The following HECTD4 variants were observed in gnomAD, a reference collection of about 807,000 sequenced individuals.
The protein encoded by HECTD4 is HECT domain E3 ubiquitin protein ligase 4.
A neutral mutation model predicts 471.5 loss-of-function variants in HECTD4; 114 were observed. The observed-to-expected ratio is 0.24, with a 90% CI of 0.21 to 0.28. The LOEUF (loss-of-function observed/expected upper bound fraction) is 0.28. Ranked by LOEUF, HECTD4 falls within the 10% of genes least tolerant of loss-of-function variation. The pLI is 1.00. For missense variants in HECTD4, 3,866 were observed against 5,651.5 expected (o/e 0.68, Z 10.13); for synonymous variants, 2,012 against 2,256.0 (o/e 0.89, Z 3.07).
In HECTD4 at chr12:112,167,921, T is replaced by A. The variant is rs368594071; in HGVS notation, c.12209-4A>T. ...AGGAAGTGGCGGAAAGAGCCGCCTGTAGGACAGACGAGACACATGGGCACC... is the reference window on the plus strand; with the variant it reads ...AGGAAGTGGCGGAAAGAGCCGCCTGAAGGACAGACGAGACACATGGGCACC... On this transcript the variant is annotated splice_polypyrimidine_tract_variant and splice_region_variant and intron_variant, in intron 70 of 75. Coordinates refer to ENST00000682272, the MANE Select transcript of HECTD4 (RefSeq NM_001388303.1). 1.2e-5 allele frequency: 20 copies of A among 1,612,594 alleles called. No homozygotes were observed. In the African/African-American group the frequency reaches 2.0e-4, roughly 16 times the overall value.
intron 45 of HECTD4, 86 bp downstream of exon 45, chr12:112,219,299 AT>A (rs1555251321): frequency 1.1e-6 from 1 of 927,900 alleles, no homozygotes; most frequent in Non-Finnish European, 1.6e-6. Context: ...GCAAACACTT[AT>A]TCTAAATGTC....
chr12:112,321,555 G>C (rs1164266171), intron 1 of HECTD4, among the ~76,000 whole-genome samples: 2 of 152,102 alleles, frequency 1.3e-5, no homozygotes, highest in Non-Finnish European at 1.5e-5. Context: ...AATTCTGCCA[G>C]GTCTTTGGCA....
At chr12:112,332,097 T>C (rs1054626810) in intron 1 of HECTD4, among the ~76,000 whole-genome samples, 1 of 151,798 alleles carries the variant, frequency 6.6e-6, no homozygotes, top group Non-Finnish European at 1.5e-5. Flanking sequence ...AGGGCTGTCA[T>C]GTGGAAGAGG....
chr12:112,371,622 T>A (rs6489840), intron 1 of HECTD4, among the ~76,000 whole-genome samples: 1 of 150,482 alleles, frequency 6.6e-6, no homozygotes, highest in African/African-American at 2.4e-5. Flanking sequence ...TACAGTGGCT[T>A]GTACCTGTAA....
At position 112,243,387 on chromosome 12, in the gene HECTD4, C is replaced by T. The variant is rs1251127774; in HGVS notation, c.4924G>A (p.Gly1642Ser). 8.7e-6 allele frequency: 14 copies of T among 1,612,472 alleles called. No individual in the cohort carries two copies. Among genetic ancestry groups the T allele is most frequent in the African/African-American group, 1.3e-5 (1 of 74,858 alleles). ...CCCTGAAGGACCATCGTCACTGGAC[C>T]CACAAGATGCGTCACTCCCCCGACT... ...VRVGGVTHLVGPVTMVLQGGP... is the reference protein window; with the variant it reads ...VRVGGVTHLVSPVTMVLQGGP... The change falls in exon 32 of 76, where the codon GGT becomes AGT. Residue 1642 changes from glycine (G) to serine (S), a missense_variant. Coordinates refer to ENST00000682272, the MANE Select transcript of HECTD4 (RefSeq NM_001388303.1). The surrounding 1 kb of genome is among the most constrained non-coding windows in gnomAD (Gnocchi z 6.6).
At chr12:112,360,093 T>G (rs2135747159) in intron 1 of HECTD4, among the ~76,000 whole-genome samples, 1 of 152,340 alleles carries the variant, frequency 6.6e-6, no homozygotes. Context: ...GAAAGTATTT[T>G]TCTTGGTAAC....
intron 1 of HECTD4, among the ~76,000 whole-genome samples, chr12:112,361,804 A>T (rs916738395): frequency 6.6e-6 from 1 of 152,162 alleles, no homozygotes; most frequent in African/African-American, 2.4e-5. Flanking sequence ...AGGGCACAAT[A>T]TTCTGTATGG....
intron 4 of HECTD4, among the ~76,000 whole-genome samples, chr12:112,310,633 G>C (rs1453959518): frequency 6.6e-6 from 1 of 152,130 alleles, no homozygotes; most frequent in Non-Finnish European, 1.5e-5. Flanking sequence ...AATGCTGTTA[G>C]CTTAAAAATT....
chr12:112,302,782 T>C, intron 7 of HECTD4: 1 of 280,820 alleles, frequency 3.6e-6, no homozygotes, highest in African/African-American at 2.2e-5. Context: ...CTCTTTTTGT[T>C]TAATTTTAAA....
chr12:112,225,689 G>A (rs1344199217), intron 44 of HECTD4, among the ~76,000 whole-genome samples: 1 of 148,326 alleles, frequency 6.7e-6, no homozygotes, highest in East Asian at 2.0e-4. Context: ...CAGCAACAAA[G>A]TAACAATTTG....
intron 52 of HECTD4, among the ~76,000 whole-genome samples, chr12:112,204,865 G>A (rs912631545): frequency 1.3e-5 from 2 of 152,118 alleles, no homozygotes; most frequent in Middle Eastern, 3.2e-3. Flanking sequence ...AGGCACAGTG[G>A]CTCACACCTG....
rs535214296 is a variant in HECTD4, at chr12:112,325,905, T to C, written c.178-6163A>G. 1.1e-4 allele frequency among the ~76,000 whole-genome samples: 16 copies of C among 148,522 alleles called. No individual in the cohort carries two copies. The East Asian group carries it at 3.5e-3, about 32-fold the overall frequency. On this transcript the variant is annotated intron_variant, in intron 1 of 75. Coordinates refer to ENST00000682272, the MANE Select transcript of HECTD4 (RefSeq NM_001388303.1). Reference sequence around the variant, plus strand: ...GTGCAGTGGAACGATCATGGCTCACTGCAGCCTGAGCCTCTCAAGTAGCTG... The same window carrying C: ...GTGCAGTGGAACGATCATGGCTCACCGCAGCCTGAGCCTCTCAAGTAGCTG...
intron 48 of HECTD4, among the ~76,000 whole-genome samples, chr12:112,214,790 A>T (rs1439570997): frequency 6.6e-6 from 1 of 152,172 alleles, no homozygotes; most frequent in African/African-American, 2.4e-5. Context: ...TTGTGAAGTA[A>T]GAGAAAAATT....
chr12:112,246,049 T>C (rs2033752842), intron 29 of HECTD4, among the ~76,000 whole-genome samples: 1 of 151,728 alleles, frequency 6.6e-6, no homozygotes, highest in Admixed American at 6.6e-5. Flanking sequence ...GGAGAATCGC[T>C]TGAACCCAGG....
At chr12:112,334,994 C>T (rs1314168487) in intron 1 of HECTD4, among the ~76,000 whole-genome samples, 2 of 152,106 alleles carry the variant, frequency 1.3e-5, no homozygotes, top group African/African-American at 4.8e-5. Context: ...CCACCAATCC[C>T]ACTACTGCAT....
chr12:112,346,548 C>T (rs2036154686), intron 1 of HECTD4, among the ~76,000 whole-genome samples: 2 of 152,166 alleles, frequency 1.3e-5, no homozygotes, highest in African/African-American at 4.8e-5. Flanking sequence ...TATTTAAATG[C>T]CAGATACTGC....
chr12:112,190,194 A>G (rs768123846), intron 60 of HECTD4, among the ~76,000 whole-genome samples: 1 of 152,202 alleles, frequency 6.6e-6, no homozygotes, highest in Non-Finnish European at 1.5e-5. Context: ...CCTCTACTAC[A>G]TATCTGTCTA....
At position 112,359,227 on chromosome 12, in the gene HECTD4, C is replaced by T. The variant is rs2036405558; in HGVS notation, c.177+22725G>A. On this transcript the variant is annotated intron_variant, in intron 1 of 75. Coordinates refer to ENST00000682272, the MANE Select transcript of HECTD4 (RefSeq NM_001388303.1). Reference sequence around the variant, plus strand: ...CCACTCAGGTGTGGACCTGGGCCCTCAGCATCATCAGCATTACCTGGGACC... The same window carrying T: ...CCACTCAGGTGTGGACCTGGGCCCTTAGCATCATCAGCATTACCTGGGACC... Among the ~76,000 whole-genome samples, 3 of 150,716 alleles carry T rather than the reference C, an allele frequency of 2.0e-5. No individual in the cohort carries two copies. The South Asian group carries it at 6.3e-4, about 31-fold the overall frequency.
At chr12:112,218,471 T>C (rs977577932) in intron 45 of HECTD4, among the ~76,000 whole-genome samples, 29 of 152,230 alleles carry the variant, frequency 1.9e-4, no homozygotes, top group African/African-American at 7.0e-4. Context: ...TGGATTTACC[T>C]GCACTAGACA....
Sources: allele counts gnomAD v4.1 joint callset (sites outside exome capture counted in the v4.1 genomes callset), GRCh38; gene constraint gnomAD v4.1.1; non-coding constraint Gnocchi (gnomAD v3.1); transcripts MANE v1.5; gene names NCBI Gene and HGNC (gene_info 2026-07-23, HGNC 2026-07-21).